The following OTULIN variants were observed in gnomAD, a reference collection of about 807,000 sequenced individuals.
The protein encoded by OTULIN is OTU deubiquitinase with linear linkage specificity.
OTULIN carries 15 observed loss-of-function variants against 39.6 expected under a neutral mutation model. The observed-to-expected ratio is 0.38, with a 90% CI of 0.25 to 0.58. OTULIN has a LOEUF of 0.58. Ranked by LOEUF, OTULIN falls within the 20% of genes least tolerant of loss-of-function variation. The pLI, the probability that OTULIN is intolerant of heterozygous loss-of-function variation, is 0.66. For synonymous variants in OTULIN, 156 were observed against 170.3 expected (o/e 0.92, Z 0.65); for missense variants, 319 against 445.9 (o/e 0.72, Z 2.56).
chr5:14,691,767 A>C (rs975546289), intron 6 of OTULIN, among the ~76,000 whole-genome samples: 4 of 152,150 alleles, frequency 2.6e-5, no homozygotes, highest in Non-Finnish European at 4.4e-5. Context: ...TTCTAACCCT[A>C]GGCAGCCACT....
chr5:14,672,563 G>C (rs901907852), intron 1 of OTULIN, among the ~76,000 whole-genome samples: 1 of 152,102 alleles, frequency 6.6e-6, no homozygotes, highest in Non-Finnish European at 1.5e-5. Flanking sequence ...CTTGTGTGAG[G>C]ATGGGGTATG....
At position 14,698,458 on chromosome 5, in the gene OTULIN, A is replaced by G. The variant is rs1736728650; in HGVS notation, c.*5410A>G. The G allele has an allele frequency of 1.3e-5, 2 of 152,240 alleles. No homozygotes were observed. The highest frequency in any genetic ancestry group is 2.9e-5 in the Non-Finnish European group (2 of 68,060). The allele number at this position is 152,240 out of a possible 1,614,324, so 9.4% of individuals were successfully genotyped here. ...TCAGTTGCCTGGCTCCTGGGGCCAGAGTTTCCTCTGTTACTTGTTGAGTCT... is the reference window on the plus strand; with the variant it reads ...TCAGTTGCCTGGCTCCTGGGGCCAGGGTTTCCTCTGTTACTTGTTGAGTCT... On this transcript the variant is annotated 3_prime_UTR_variant, in exon 7 of 7. Coordinates refer to ENST00000284274, the MANE Select transcript of OTULIN (RefSeq NM_138348.6).
In OTULIN at chr5:14,699,464, A is replaced by G. The variant is rs2126359848; in HGVS notation, c.*6416A>G. The G allele has an allele frequency of 6.6e-6, 1 of 152,362 alleles. No homozygotes were observed. Among genetic ancestry groups the G allele is most frequent in the East Asian group, 1.9e-4 (1 of 5,182 alleles). The allele number at this position is 152,362 out of a possible 1,614,324, so 9.4% of individuals were successfully genotyped here. A position where few individuals can be genotyped will look rare whatever the true frequency, so the allele number is the denominator to read the frequency against. ...CAGCAGAAAGACCTCCCCACTGTGA[A>G]CAACAAACCACTTTCCTCCTCCAGT... On this transcript the variant is annotated 3_prime_UTR_variant, in exon 7 of 7. Transcript: ENST00000284274.
intron 1 of OTULIN, among the ~76,000 whole-genome samples, chr5:14,667,045 T>G (rs1321454195): frequency 6.6e-6 from 1 of 152,206 alleles, no homozygotes; most frequent in South Asian, 2.1e-4. Context: ...GCCCAGATAG[T>G]TGGGTTTGCT....
the OTULIN span, among the ~76,000 whole-genome samples, chr5:14,712,466 G>A: frequency 5.3e-5 from 8 of 152,230 alleles, no homozygotes; most frequent in South Asian, 2.1e-4. Flanking sequence ...GAGGCTGCCC[G>A]AGCTCCTGTC....
intron 2 of OTULIN, among the ~76,000 whole-genome samples, chr5:14,676,212 T>C (rs1329208276): frequency 9.2e-5 from 14 of 152,266 alleles, no homozygotes; most frequent in South Asian, 2.1e-4. Flanking sequence ...TTTCAACTTG[T>C]GGCTTACCAC....
chr5:14,713,049 AAAGT>A, the OTULIN span: 1 of 1,411,736 alleles, frequency 7.1e-7, no homozygotes, highest in Non-Finnish European at 9.8e-7. This position sits in a 1 kb window ranked among gnomAD's most constrained non-coding sequence, Gnocchi z 4.4. Context: ...AAAACCCAGG[AAAGT>A]AAGTGTAGCC....
In OTULIN at chr5:14,696,307, T is replaced by C. The variant is rs1469473602; in HGVS notation, c.*3259T>C. ...AATGTGTCTTCTTCAGATACTAAAG[T>C]ACAGTTGGATCATTTTCTTATCTCC... is the stretch of plus-strand genomic sequence containing the variant. On this transcript the variant is annotated 3_prime_UTR_variant, in exon 7 of 7. Coordinates refer to ENST00000284274, the MANE Select transcript of OTULIN (RefSeq NM_138348.6). The C allele has an allele frequency of 6.6e-6, 1 of 152,242 alleles. No homozygotes were observed. The highest frequency in any genetic ancestry group is 1.5e-5 in the Non-Finnish European group (1 of 68,056). 9.4% of individuals were successfully genotyped at this position (152,242 alleles called of 1,614,324 possible).
rs1736034173 is a variant in OTULIN, at chr5:14,673,790, C to T, written c.229+72C>T. On this transcript the variant is annotated intron_variant, in intron 2 of 6. Coordinates refer to ENST00000284274, the MANE Select transcript of OTULIN (RefSeq NM_138348.6). The stretch of plus-strand genomic sequence containing the variant: ...AGAAAATGCAGTTAAATCCGTATAA[C>T]CATTTTCATAAAATATCAATAAAAT... The T allele has an allele frequency of 4.0e-6, 5 of 1,255,160 alleles. No individual in the cohort carries two copies. In the African/African-American group the frequency reaches 4.5e-5, roughly 11 times the overall value. 77.8% of individuals were successfully genotyped at this position (1,255,160 alleles called of 1,614,324 possible).
At chr5:14,683,598 T>C (rs1579971260) in intron 4 of OTULIN, among the ~76,000 whole-genome samples, 1 of 152,228 alleles carries the variant, frequency 6.6e-6, no homozygotes, top group East Asian at 1.9e-4. Context: ...TGTATACCTA[T>C]GTTCTTAGCT....
At chr5:14,686,948 A>G (rs138418582) in intron 4 of OTULIN, among the ~76,000 whole-genome samples, 57 of 152,374 alleles carry the variant, frequency 3.7e-4, no homozygotes, top group African/African-American at 1.3e-3. Context: ...GATCGATTAG[A>G]TAGTTAAACT....
At chr5:14,702,787 T>G (rs1736824167), downstream of OTULIN, among the ~76,000 whole-genome samples, 1 of 152,172 alleles carries the variant, frequency 6.6e-6, no homozygotes, top group Admixed American at 6.5e-5. Flanking sequence ...AATGTAAAGT[T>G]TGGAAATAAT....
In OTULIN at chr5:14,699,553, T is replaced by C. The variant is rs779943065; in HGVS notation, c.*6505T>C. ...GAAATGCACTTTCTCCCTCTACTTG[T>C]CTGAATTACGATGCTCTGCTCAACT... On this transcript the variant is annotated 3_prime_UTR_variant, in exon 7 of 7. Transcript: ENST00000284274. The C allele has an allele frequency of 6.6e-6, 1 of 152,232 alleles. No individual in the cohort carries two copies. The highest frequency in any genetic ancestry group is 1.5e-5 in the Non-Finnish European group (1 of 68,056). The allele number at this position is 152,232 out of a possible 1,614,324, so 9.4% of individuals were successfully genotyped here.
At position 14,690,489 on chromosome 5, in the gene OTULIN, G is replaced by A. The variant is rs897326785; in HGVS notation, c.864+181G>A. On this transcript the variant is annotated intron_variant, in intron 6 of 6. Transcript: ENST00000284274. The surrounding 1 kb of genome is among the most constrained non-coding windows in gnomAD (Gnocchi z 4.5). Reference sequence around the variant, plus strand: ...TGCAGTCATCTGAAGGCTTGACTGGGGCTGGAAGATCTACTTCCAGTGTTG... The same window carrying A: ...TGCAGTCATCTGAAGGCTTGACTGGAGCTGGAAGATCTACTTCCAGTGTTG... 1.3e-5 allele frequency among the ~76,000 whole-genome samples: 2 copies of A among 152,150 alleles called. No individual in the cohort carries two copies. The highest frequency in any genetic ancestry group is 4.8e-5 in the African/African-American group (2 of 41,440).
At chr5:14,673,932 A>G (rs944855028) in intron 2 of OTULIN, 2 of 356,660 alleles carry the variant, frequency 5.6e-6, no homozygotes, top group South Asian at 4.4e-5. Context: ...TTACATTCAT[A>G]TCGTTTTTCA....
At chr5:14,714,979 T>C in the OTULIN span, among the ~76,000 whole-genome samples, 1 of 152,240 alleles carries the variant, frequency 6.6e-6, no homozygotes, top group Admixed American at 6.5e-5. Context: ...TGGTTCGCCC[T>C]GTGTCTACCC....
downstream of OTULIN, among the ~76,000 whole-genome samples, chr5:14,702,070 G>A (rs999532035): frequency 2.0e-5 from 3 of 152,170 alleles, no homozygotes; most frequent in Non-Finnish European, 4.4e-5. Context: ...AGGTGAGCAG[G>A]AGCCCCCTGA....
intron 3 of OTULIN, among the ~76,000 whole-genome samples, chr5:14,679,894 A>G (rs1319212944): frequency 1.3e-5 from 2 of 149,648 alleles, no homozygotes; most frequent in African/African-American, 4.9e-5. Context: ...GAACATTTAT[A>G]TTTTTGCTAA....
Position 14,682,676 on chromosome 5 carries a change from C to T in OTULIN, c.468+1069C>T, listed in dbSNP as rs1055484878. Among the ~76,000 whole-genome samples the T allele has an allele frequency of 3.9e-5, 6 of 152,058 alleles. No individual in the cohort carries two copies. In the East Asian group the frequency reaches 5.8e-4, roughly 15 times the overall value. ...GCCCACTGTGAGCCTGCATGAAATG[C>T]GATGGCTAGCAATGATCACAAAGCC... On this transcript the variant is annotated intron_variant, in intron 4 of 6. Coordinates refer to ENST00000284274, the MANE Select transcript of OTULIN (RefSeq NM_138348.6).
Sources: allele counts gnomAD v4.1 joint callset (sites outside exome capture counted in the v4.1 genomes callset), GRCh38; gene constraint gnomAD v4.1.1; non-coding constraint Gnocchi (gnomAD v3.1); transcripts MANE v1.5; gene names NCBI Gene and HGNC (gene_info 2026-07-23, HGNC 2026-07-21).